Variants in TBC1D9B observed in about 807,000 individuals in gnomAD.
The protein encoded by TBC1D9B is TBC1 domain family member 9B.
TBC1D9B carries 87 observed loss-of-function variants against 121.1 expected under a neutral mutation model. The observed-to-expected ratio is 0.72, with a 90% CI of 0.60 to 0.86. The LOEUF is 0.86. Among genes scored for constraint, TBC1D9B ranks in the 40% least tolerant of loss-of-function variants. The pLI, the probability that TBC1D9B is intolerant of heterozygous loss-of-function variation, is 0.00. For synonymous variants in TBC1D9B, 668 were observed against 670.1 expected (o/e 1.00, Z 0.05); for missense variants, 1,540 against 1,628.6 (o/e 0.95, Z 0.94).
chr5:179,890,351 G>A lies in TBC1D9B; in HGVS notation c.1044+1028C>T, dbSNP rs1396618520. 6.6e-6 allele frequency among the ~76,000 whole-genome samples: 1 copy of A among 152,190 alleles called. No individual in the cohort carries two copies. The highest frequency in any genetic ancestry group is 6.5e-5 in the Admixed American group (1 of 15,284). ...GCTCTCTACCATCTGAGATGTCAAG[G>A]GCCCGGCAGGAGAAATCCAAACGGA... On this transcript the variant is annotated intron_variant, in intron 6 of 20. Transcript: ENST00000355235. This position sits in a 1 kb window ranked among gnomAD's most constrained non-coding sequence, Gnocchi z 5.0.
At chr5:179,866,713 G>T in intron 18 of TBC1D9B, 1 of 152,424 alleles carries the variant, frequency 6.6e-6, no homozygotes, top group Non-Finnish European at 1.5e-5. Flanking sequence ...ACAACAGAAG[G>T]TGTACCTGCT....
In TBC1D9B at chr5:179,902,115, G is replaced by A. The variant is rs544730596; in HGVS notation, c.229+2587C>T. On this transcript the variant is annotated intron_variant, in intron 2 of 20. Transcript: ENST00000355235. The surrounding 1 kb of genome is among the most constrained non-coding windows in gnomAD (Gnocchi z 4.9). ...GGCTGCAGAGCCTGCCCTCACCCTC[G>A]GAAGCTCCCGGCCTCATGGGCTTCC... 2.0e-5 allele frequency among the ~76,000 whole-genome samples: 3 copies of A among 152,356 alleles called. No individual in the cohort carries two copies. The highest frequency in any genetic ancestry group is 1.9e-4 in the East Asian group (1 of 5,186).
intron 6 of TBC1D9B, among the ~76,000 whole-genome samples, chr5:179,888,874 C>T (rs972608640): frequency 5.9e-5 from 9 of 152,002 alleles, no homozygotes; most frequent in Non-Finnish European, 7.4e-5. Context: ...GGGGAGGCGG[C>T]CACTGAGCTG....
intron 5 of TBC1D9B, 116 bp downstream of exon 5, chr5:179,893,093 T>G: frequency 7.1e-7 from 1 of 1,409,852 alleles, no homozygotes; most frequent in Non-Finnish European, 9.4e-7. Context: ...GGGGAGCCCA[T>G]GAGGGGTGAA....
chr5:179,901,170 G>A (rs1425706310), intron 2 of TBC1D9B, among the ~76,000 whole-genome samples: 1 of 152,248 alleles, frequency 6.6e-6, no homozygotes, highest in Non-Finnish European at 1.5e-5. Context: ...ACAGCTTGCA[G>A]TGAGTCACAA....
rs2113594437 is a variant in TBC1D9B at position 179,863,508 on chromosome 5, C to G, written c.3642G>C (p.Lys1214Asn). 1 of 1,614,206 alleles carries G rather than the reference C, an allele frequency of 6.2e-7. No homozygotes were observed. The highest frequency in any genetic ancestry group is 8.5e-7 in the Non-Finnish European group (1 of 1,180,048). ...VDIGLKIKDQ[K>N]KVERQFSTAS... The stretch of plus-strand genomic sequence containing the variant: ...CGGTGCTGAACTGTCTCTCCACTTT[C>G]TTTTGGTCCTTGATCTTGAGTCCAA... The change falls in exon 21 of 21, where the codon AAG becomes AAC. Residue 1214 changes from lysine (K) to asparagine (N), a missense_variant. Coordinates refer to ENST00000355235, the MANE Select transcript of TBC1D9B (RefSeq NM_015043.4). The surrounding 1 kb of genome is among the most constrained non-coding windows in gnomAD (Gnocchi z 4.5).
At chr5:179,879,469 C>T in intron 8 of TBC1D9B, 159 bp downstream of exon 8, 1 of 1,204,412 alleles carries the variant, frequency 8.3e-7, no homozygotes, top group Non-Finnish European at 1.2e-6. Context: ...CCAGAGAGTG[C>T]CTGCTCCGTC....
chr5:179,893,691 C>T (rs747517885), intron 4 of TBC1D9B, among the ~76,000 whole-genome samples: 1 of 152,148 alleles, frequency 6.6e-6, no homozygotes, highest in Non-Finnish European at 1.5e-5. Context: ...GTGTCTCCCC[C>T]ACCAGTGGCT....
chr5:179,870,783 C>G, intron 15 of TBC1D9B: 1 of 434,578 alleles, frequency 2.3e-6, no homozygotes, highest in South Asian at 3.4e-5. Flanking sequence ...TGGCAGGGCT[C>G]CAGGGAAACA....
In TBC1D9B at chr5:179,901,452, CT is replaced by C. The variant is rs1438191139; in HGVS notation, c.230-2146del. On this transcript the variant is annotated intron_variant, in intron 2 of 20. Coordinates refer to ENST00000355235, the MANE Select transcript of TBC1D9B (RefSeq NM_015043.4). ...AGAAAACTAAAACAGAAGAAATCTCCTCCTCGCTGCCTGTGTGGATGTGTCA... is the reference window on the plus strand; with the variant it reads ...AGAAAACTAAAACAGAAGAAATCTCCCCTCGCTGCCTGTGTGGATGTGTCA... Among the ~76,000 whole-genome samples the C allele has an allele frequency of 2.6e-5, 4 of 152,160 alleles. No individual in the cohort carries two copies. The East Asian group carries it at 7.7e-4, about 29-fold the overall frequency.
rs150268760 is a variant in TBC1D9B, at chr5:179,898,435, G to A, written c.348+754C>T. Among the ~76,000 whole-genome samples the A allele has an allele frequency of 4.8e-3, 728 of 151,670 alleles. 9 individuals are homozygous for A. Among genetic ancestry groups the A allele is most frequent in the African/African-American group, 0.017 (713 of 41,338 alleles). On this transcript the variant is annotated intron_variant, in intron 3 of 20. Transcript: ENST00000355235. ...CCCAAAGTGCTGGGATTACAGGCCT[G>A]AGCCACCGCACCTGGCCTTTTTTTT...
chr5:179,901,134 G>A (rs796383839), intron 2 of TBC1D9B, among the ~76,000 whole-genome samples: 2 of 152,172 alleles, frequency 1.3e-5, no homozygotes, highest in South Asian at 2.1e-4. Context: ...GGATGCCCAC[G>A]GGAAAACGAT....
chr5:179,884,979 G>A (rs1312857052), intron 7 of TBC1D9B, among the ~76,000 whole-genome samples: 1 of 152,146 alleles, frequency 6.6e-6, no homozygotes, highest in East Asian at 1.9e-4. Context: ...ATGTTGTTAT[G>A]TGTATTTTAT....
At position 179,874,735 on chromosome 5, in the gene TBC1D9B, C is replaced by T. The variant is rs547888771; in HGVS notation, c.2186+167G>A. On this transcript the variant is annotated intron_variant, in intron 12 of 20. Coordinates refer to ENST00000355235, the MANE Select transcript of TBC1D9B (RefSeq NM_015043.4). The surrounding 1 kb of genome is among the most constrained non-coding windows in gnomAD (Gnocchi z 4.3). ...TGGCACCTATCACTGAGCGCTGCTT[C>T]ATCTCCCACTAGAAAGGAGCCGCCT... Among the ~76,000 whole-genome samples, 185 of 152,346 alleles carry T rather than the reference C, an allele frequency of 1.2e-3. No homozygotes were observed. Among genetic ancestry groups the T allele is most frequent in the African/African-American group, 4.2e-3 (176 of 41,576 alleles).
At chr5:179,882,922 G>A (rs937996834) in intron 7 of TBC1D9B, among the ~76,000 whole-genome samples, 1 of 152,142 alleles carries the variant, frequency 6.6e-6, no homozygotes, top group African/African-American at 2.4e-5. Flanking sequence ...CAGGATCGTG[G>A]CCCATTGCAA....
chr5:179,894,849 C>G lies in TBC1D9B; in HGVS notation c.349-235G>C, dbSNP rs145383979. ...GCAACTCCCGTAACTACTGTCATCACCAGTTGTGAGCAGAGGCTTTTTAAA... is the reference window on the plus strand; with the variant it reads ...GCAACTCCCGTAACTACTGTCATCAGCAGTTGTGAGCAGAGGCTTTTTAAA... On this transcript the variant is annotated intron_variant, in intron 3 of 20. Coordinates refer to ENST00000355235, the MANE Select transcript of TBC1D9B (RefSeq NM_015043.4). Among the ~76,000 whole-genome samples, 285 of 152,294 alleles carry G rather than the reference C, an allele frequency of 1.9e-3. 1 individual carries two copies. The highest frequency in any genetic ancestry group is 0.01 in the Middle Eastern group (3 of 294).
intron 15 of TBC1D9B, 73 bp downstream of exon 15, chr5:179,871,389 C>T (rs1266237339): frequency 1.4e-6 from 2 of 1,461,190 alleles, no homozygotes; most frequent in Non-Finnish European, 1.9e-6. Context: ...AGAGGATACT[C>T]TTAGATCCAT....
At position 179,882,133 on chromosome 5, in the gene TBC1D9B, C is replaced by T. The variant is rs186400771; in HGVS notation, c.1255-2344G>A. ...CTAATTTTTGTATTTTTAATAGAGA[C>T]GAGGTTTCACCATATTGGCCAGGCT... On this transcript the variant is annotated intron_variant, in intron 7 of 20. Coordinates refer to ENST00000355235, the MANE Select transcript of TBC1D9B (RefSeq NM_015043.4). 1.0e-3 allele frequency among the ~76,000 whole-genome samples: 159 copies of T among 151,946 alleles called. 2 individuals are homozygous for T. The South Asian group carries it at 0.027, about 26-fold the overall frequency.
At position 179,863,610 on chromosome 5, in the gene TBC1D9B, G is replaced by T; in HGVS notation, c.3540C>A (p.Cys1180Ter). 6.2e-7 allele frequency: 1 copy of T among 1,614,034 alleles called. No individual in the cohort carries two copies. Among genetic ancestry groups the T allele is most frequent in the Non-Finnish European group, 8.5e-7 (1 of 1,180,030 alleles). The change falls in exon 21 of 21, where the codon TGC (cysteine) becomes TGA (stop). Residue 1180 changes from cysteine (C) to a stop codon, truncating the protein, a stop_gained. Coordinates refer to ENST00000355235, the MANE Select transcript of TBC1D9B (RefSeq NM_015043.4). LOFTEE classifies it high-confidence loss of function. The surrounding 1 kb of genome is among the most constrained non-coding windows in gnomAD (Gnocchi z 4.5). ...AGGCCAGGATCTGCTCAAAGGAGAT[G>T]CACCAGTCGGTGTCGACGGTGCCGC... ...RIGGTVDTDW[C>*]ISFEQILASI...
Sources: gnomAD v4.1 joint callset for allele counts (sites outside exome capture counted in the v4.1 genomes callset) on GRCh38, gnomAD v4.1.1 for gene constraint, Gnocchi (gnomAD v3.1) non-coding constraint, MANE v1.5 for transcripts, NCBI Gene and HGNC (gene_info 2026-07-23, HGNC 2026-07-21) for gene names.